UBE2E2: variants seen among roughly 807,000 people sequenced by gnomAD.
UBE2E2 encodes the protein ubiquitin-conjugating enzyme E2 E2.
A neutral mutation model predicts 24.7 loss-of-function variants in UBE2E2; 6 were observed. That is an observed-to-expected ratio of 0.24 (90% CI 0.13 to 0.48). UBE2E2 has a LOEUF of 0.48. UBE2E2 is among the 20% of genes least tolerant of loss of function. The probability of loss-of-function intolerance (pLI) is 0.99; values close to 1 mark genes in which losing one functional copy is unlikely to be tolerated. For missense variants in UBE2E2, 169 were observed against 245.0 expected (o/e 0.69, Z 2.07); for synonymous variants, 104 against 83.6 (o/e 1.24, Z -1.33).
intron 5 of UBE2E2, among the ~76,000 whole-genome samples, chr3:23,580,287 C>G (rs544587654): frequency 6.6e-6 from 1 of 152,170 alleles, no homozygotes; most frequent in Non-Finnish European, 1.5e-5. Flanking sequence ...AAGGGAGAGT[C>G]GATCGATGCG....
At chr3:23,294,625 A>G (rs1202561248) in intron 3 of UBE2E2, among the ~76,000 whole-genome samples, 1 of 147,512 alleles carries the variant, frequency 6.8e-6, no homozygotes, top group Non-Finnish European at 1.5e-5. Flanking sequence ...ATATTTTATT[A>G]GATATTTTTG....
At chr3:23,414,321 G>A (rs1208095485) in intron 3 of UBE2E2, among the ~76,000 whole-genome samples, 1 of 152,138 alleles carries the variant, frequency 6.6e-6, no homozygotes, top group Non-Finnish European at 1.5e-5. Context: ...ATCTTCATCT[G>A]TCTATGTGAG....
At chr3:23,331,745 G>A (rs1695064956) in intron 3 of UBE2E2, among the ~76,000 whole-genome samples, 1 of 151,978 alleles carries the variant, frequency 6.6e-6, no homozygotes, top group Non-Finnish European at 1.5e-5. Flanking sequence ...GGAAGTAGGG[G>A]ATTGAGCCAT....
At chr3:23,423,901 CCT>C (rs1252845600) in intron 3 of UBE2E2, among the ~76,000 whole-genome samples, 2 of 152,076 alleles carry the variant, frequency 1.3e-5, no homozygotes, top group African/African-American at 4.8e-5. Flanking sequence ...TGTATCTCTG[CCT>C]CTCCTCCTTC....
chr3:23,488,376 G>T (rs769663632), intron 3 of UBE2E2, among the ~76,000 whole-genome samples: 1 of 151,920 alleles, frequency 6.6e-6, no homozygotes, highest in African/African-American at 2.4e-5. Flanking sequence ...CCGCCCCGCC[G>T]ACAGGCCCCG....
At chr3:23,233,709 G>C (rs199703823) in intron 3 of UBE2E2, among the ~76,000 whole-genome samples, 1 of 152,236 alleles carries the variant, frequency 6.6e-6, no homozygotes, top group East Asian at 1.9e-4. Context: ...GGACCCCAAA[G>C]AGAACATTAG....
In UBE2E2 at chr3:23,381,075, A is replaced by C. The variant is rs76989015; in HGVS notation, c.228-118533A>C. ...ATGCCTCCTGTTCTCCTGACTGGAA[A>C]GGGCACTTTATTTAATTCTTCTTTT... On this transcript the variant is annotated intron_variant, in intron 3 of 5. Transcript: ENST00000396703. 2.2e-3 allele frequency among the ~76,000 whole-genome samples: 342 copies of C among 152,316 alleles called. 3 individuals are homozygous for C. The highest frequency in any genetic ancestry group is 7.9e-3 in the African/African-American group (327 of 41,568).
At chr3:23,205,653 G>A (rs1180264266) in intron 1 of UBE2E2, among the ~76,000 whole-genome samples, 1 of 152,118 alleles carries the variant, frequency 6.6e-6, no homozygotes, top group Non-Finnish European at 1.5e-5. Flanking sequence ...GCCTCAGATG[G>A]ACTTATCATT....
At chr3:23,414,670 T>C (rs35381236) in intron 3 of UBE2E2, among the ~76,000 whole-genome samples, 42,184 of 152,050 alleles carry the variant, frequency 0.28, 6,154 homozygotes, top group African/African-American at 0.36. Context: ...AAAATTCTTA[T>C]GTTGAAATCT....
intron 3 of UBE2E2, among the ~76,000 whole-genome samples, chr3:23,347,969 C>G (rs948770320): frequency 6.6e-6 from 1 of 151,978 alleles, no homozygotes; most frequent in African/African-American, 2.4e-5. Context: ...TAAAGCCATG[C>G]CAGTTGTGCA....
chr3:23,420,801 C>G (rs1224098461), intron 3 of UBE2E2, among the ~76,000 whole-genome samples: 1 of 152,160 alleles, frequency 6.6e-6, no homozygotes, highest in Non-Finnish European at 1.5e-5. Context: ...TCACTTCTCT[C>G]CAGGAAAGGA....
At chr3:23,297,896 A>G (rs1559337959) in intron 3 of UBE2E2, among the ~76,000 whole-genome samples, 2 of 152,018 alleles carry the variant, frequency 1.3e-5, no homozygotes, top group Admixed American at 1.3e-4. Flanking sequence ...CATTTTCACG[A>G]TATTGATTCT....
At chr3:23,542,176 T>G (rs1380245675) in intron 5 of UBE2E2, among the ~76,000 whole-genome samples, 2 of 152,190 alleles carry the variant, frequency 1.3e-5, no homozygotes, top group Non-Finnish European at 2.9e-5. Flanking sequence ...GAGGGTACAT[T>G]TATCTGAGGG....
chr3:23,336,153 A>G (rs950857996), intron 3 of UBE2E2, among the ~76,000 whole-genome samples: 8 of 152,162 alleles, frequency 5.3e-5, no homozygotes, highest in Non-Finnish European at 7.4e-5. Flanking sequence ...ATTATTGTTG[A>G]TTTGAAATAA....
chr3:23,271,740 T>C (rs1698248876), intron 3 of UBE2E2, among the ~76,000 whole-genome samples: 2 of 152,136 alleles, frequency 1.3e-5, no homozygotes, highest in Admixed American at 1.3e-4. Context: ...TTGGTGTGTT[T>C]ACAAACCTTG....
chr3:23,411,142 C>T (rs1697487179), intron 3 of UBE2E2, among the ~76,000 whole-genome samples: 1 of 152,078 alleles, frequency 6.6e-6, no homozygotes, highest in South Asian at 2.1e-4. Context: ...TGTTCCAGGC[C>T]TAAGGAAAAG....
At position 23,230,417 on chromosome 3, in the gene UBE2E2, T is replaced by C. The variant is rs183389564; in HGVS notation, c.227+13105T>C. Among the ~76,000 whole-genome samples the C allele has an allele frequency of 2.3e-3, 352 of 152,342 alleles. 3 individuals carry two copies. The highest frequency in any genetic ancestry group is 8.1e-3 in the African/African-American group (337 of 41,580). On this transcript the variant is annotated intron_variant, in intron 3 of 5. Coordinates refer to ENST00000396703, the MANE Select transcript of UBE2E2 (RefSeq NM_152653.4). ...TCACTGATAGAATGTGGATGCATTT[T>C]ATAAACTTAGAGAATTTAGAAAACT...
At chr3:23,519,809 T>G (rs1694819652) in intron 4 of UBE2E2, among the ~76,000 whole-genome samples, 1 of 152,076 alleles carries the variant, frequency 6.6e-6, no homozygotes, top group African/African-American at 2.4e-5. Flanking sequence ...TCTGACTGGC[T>G]AGGGCTACAG....
At chr3:23,414,955 G>A (rs1697587153) in intron 3 of UBE2E2, among the ~76,000 whole-genome samples, 1 of 152,314 alleles carries the variant, frequency 6.6e-6, no homozygotes, top group East Asian at 1.9e-4. Context: ...CTAAGGTGTA[G>A]CAGCCGAAAT....
Sources: allele counts gnomAD v4.1 joint callset (sites outside exome capture counted in the v4.1 genomes callset), GRCh38; gene constraint gnomAD v4.1.1; transcripts MANE v1.5; gene names NCBI Gene and HGNC (gene_info 2026-07-23, HGNC 2026-07-21).